Variants in NOX4 observed in about 807,000 individuals in gnomAD.
The protein encoded by NOX4 is kidney oxidase-1.
Under a neutral mutation model 87.6 loss-of-function variants are expected in NOX4, and 69 were observed. The observed-to-expected ratio is 0.79, with a 90% CI of 0.65 to 0.96. The LOEUF (loss-of-function observed/expected upper bound fraction) is 0.96, where lower values mean the gene tolerates loss of function less well. Ranked by LOEUF, NOX4 falls within the 40% of genes least tolerant of loss-of-function variation. NOX4 has a pLI of 0.00. For missense variants in NOX4, 680 were observed against 681.5 expected, an observed-to-expected ratio of 1.00 and a Z score of 0.02; for synonymous variants, 275 against 238.2, an observed-to-expected ratio of 1.15 and a Z score of -1.42.
At chr11:89,464,446 A>G (rs187731560) in intron 2 of NOX4, among the ~76,000 whole-genome samples, 219 of 152,318 alleles carry the variant, frequency 1.4e-3, no homozygotes, top group Middle Eastern at 6.8e-3. Flanking sequence ...CCCATTTTTA[A>G]GTGGCAAGAT....
intron 2 of NOX4, among the ~76,000 whole-genome samples, chr11:89,481,828 C>T (rs1394748318): frequency 1.3e-5 from 2 of 152,120 alleles, no homozygotes; most frequent in African/African-American, 4.8e-5. Context: ...CTACAGGCTC[C>T]TCTCCCTCCA....
chr11:89,494,465 C>G (rs370402272), upstream of NOX4, among the ~76,000 whole-genome samples: 19 of 152,270 alleles, frequency 1.2e-4, no homozygotes, highest in East Asian at 2.5e-3. Flanking sequence ...ATGTGTGTGT[C>G]TAATTCTCCT....
chr11:89,534,207 G>T, the NOX4 span, among the ~76,000 whole-genome samples: 1 of 152,196 alleles, frequency 6.6e-6, no homozygotes, highest in Non-Finnish European at 1.5e-5. Context: ...CACAGACTTT[G>T]TGTTCCTGCC....
the NOX4 span, among the ~76,000 whole-genome samples, chr11:89,543,355 T>C: frequency 5.3e-5 from 8 of 152,320 alleles, no homozygotes; most frequent in South Asian, 6.2e-4. Context: ...GAATCACATA[T>C]ATGTTACAAT....
chr11:89,464,979 C>T (rs7109630), intron 2 of NOX4, among the ~76,000 whole-genome samples: 5,514 of 151,550 alleles, frequency 0.036, 334 homozygotes, highest in African/African-American at 0.13. Context: ...AGGATTAGTG[C>T]CTTTATTTTT....
intron 7 of NOX4, among the ~76,000 whole-genome samples, chr11:89,427,982 G>T (rs1306202976): frequency 6.6e-6 from 1 of 152,164 alleles, no homozygotes; most frequent in Non-Finnish European, 1.5e-5. Context: ...AGGTGGGGTT[G>T]CCCACAAACG....
chr11:89,544,169 A>G, the NOX4 span, among the ~76,000 whole-genome samples: 1 of 152,146 alleles, frequency 6.6e-6, no homozygotes, highest in African/African-American at 2.4e-5. Context: ...TTCAACCAAT[A>G]TTTGTTAAGT....
At chr11:89,476,512 AT>A (rs1391943316) in intron 2 of NOX4, among the ~76,000 whole-genome samples, 9 of 152,096 alleles carry the variant, frequency 5.9e-5, no homozygotes, top group Non-Finnish European at 1.3e-4. Flanking sequence ...TTTCACATTT[AT>A]CCTAATCTGA....
chr11:89,380,472 G>T (rs1940199250), intron 11 of NOX4, among the ~76,000 whole-genome samples: 2 of 152,094 alleles, frequency 1.3e-5, no homozygotes, highest in African/African-American at 4.8e-5. Context: ...AAAGGAACTG[G>T]ATTGCTGAGA....
At chr11:89,396,335 G>A (rs1941481421) in intron 11 of NOX4, among the ~76,000 whole-genome samples, 1 of 152,134 alleles carries the variant, frequency 6.6e-6, no homozygotes, top group Non-Finnish European at 1.5e-5. Context: ...GAATGTTTAT[G>A]ATTTTTGCAC....
chr11:89,407,757 G>GT (rs1942266044), intron 8 of NOX4, among the ~76,000 whole-genome samples: 1 of 151,828 alleles, frequency 6.6e-6, no homozygotes, highest in African/African-American at 2.4e-5. Flanking sequence ...GGATTTTATG[G>GT]TAATCAAAAC....
At chr11:89,505,009 C>T in the NOX4 span, among the ~76,000 whole-genome samples, 48 of 152,086 alleles carry the variant, frequency 3.2e-4, no homozygotes, top group Non-Finnish European at 3.4e-4. Flanking sequence ...CCCCATCTTT[C>T]TCTCTTACCA....
At chr11:89,552,772 C>T in the NOX4 span, among the ~76,000 whole-genome samples, 12 of 152,118 alleles carry the variant, frequency 7.9e-5, no homozygotes, top group Non-Finnish European at 1.5e-4. Context: ...TATCTGATCA[C>T]ACAGTAAGAA....
the NOX4 span, among the ~76,000 whole-genome samples, chr11:89,553,320 G>A: frequency 1.3e-5 from 2 of 152,076 alleles, no homozygotes; most frequent in Admixed American, 1.3e-4. Context: ...TTTCTCACAG[G>A]ATCTGGTTGT....
intron 5 of NOX4, 35 bp from the exon 6 acceptor site, chr11:89,440,750 C>G (rs1354248059): frequency 8.1e-7 from 1 of 1,239,066 alleles, no homozygotes; most frequent in Admixed American, 1.9e-5. Context: ...TGATTAAAAA[C>G]TAAAGCACTG....
At chr11:89,580,549 G>C in the NOX4 span, among the ~76,000 whole-genome samples, 4 of 152,114 alleles carry the variant, frequency 2.6e-5, no homozygotes, top group Admixed American at 6.5e-5. Flanking sequence ...CTAGTTATTA[G>C]ATAACCTCAT....
At chr11:89,505,669 G>A in the NOX4 span, among the ~76,000 whole-genome samples, 1 of 151,888 alleles carries the variant, frequency 6.6e-6, no homozygotes, top group Non-Finnish European at 1.5e-5. Flanking sequence ...GGAGTGTAAT[G>A]TGAGGAGAAA....
intron 16 of NOX4, 105 bp downstream of exon 16, chr11:89,337,342 A>T: frequency 6.5e-7 from 1 of 1,537,362 alleles, no homozygotes; most frequent in South Asian, 1.2e-5. Flanking sequence ...TTCCTCTAGG[A>T]AACTTCTGTT....
intron 3 of NOX4, among the ~76,000 whole-genome samples, chr11:89,451,366 A>G (rs2135387838): frequency 6.6e-6 from 1 of 152,290 alleles, no homozygotes; most frequent in Non-Finnish European, 1.5e-5. Flanking sequence ...GCTAAGTGAA[A>G]ATACAGAATC....
Sources: gnomAD v4.1 joint callset for allele counts (sites outside exome capture counted in the v4.1 genomes callset) on GRCh38, gnomAD v4.1.1 for gene constraint, MANE v1.5 for transcripts, NCBI Gene and HGNC (gene_info 2026-07-23, HGNC 2026-07-21) for gene names.